The following ERBB4 variants were observed in gnomAD, a reference collection of about 807,000 sequenced individuals.
ERBB4 encodes the protein erb-b2 receptor tyrosine kinase 4.
In ERBB4, 42 loss-of-function variants were observed where a neutral mutation model predicts 158.0. That is an observed-to-expected ratio of 0.27 (90% CI 0.21 to 0.34). The LOEUF (loss-of-function observed/expected upper bound fraction) is 0.34, where lower values mean the gene tolerates loss of function less well. Ranked by LOEUF, ERBB4 falls within the 10% of genes least tolerant of loss-of-function variation. The pLI, the probability that ERBB4 is intolerant of heterozygous loss-of-function variation, is 1.00. For missense variants in ERBB4, 1,333 were observed against 1,624.1 expected (o/e 0.82, Z 3.08); for synonymous variants, 583 against 558.7 (o/e 1.04, Z -0.61).
At chr2:212,185,614 G>A (rs902061192) in intron 1 of ERBB4, among the ~76,000 whole-genome samples, 16 of 152,150 alleles carry the variant, frequency 1.1e-4, no homozygotes, top group African/African-American at 3.6e-4. Context: ...GAGATCTTAA[G>A]TAGGGTCCAC....
chr2:212,244,667 A>T (rs1047827109), intron 1 of ERBB4, among the ~76,000 whole-genome samples: 3 of 152,014 alleles, frequency 2.0e-5, no homozygotes, highest in Non-Finnish European at 4.4e-5. Flanking sequence ...TTCCCTCATG[A>T]TTTGCCATTC....
chr2:212,317,460 G>A (rs1472394414), intron 1 of ERBB4, among the ~76,000 whole-genome samples: 1 of 151,546 alleles, frequency 6.6e-6, no homozygotes, highest in Admixed American at 6.6e-5. Flanking sequence ...AGACTCTGAT[G>A]CTTTGAAGTT....
chr2:212,311,338 G>A (rs1042268865), intron 1 of ERBB4, among the ~76,000 whole-genome samples: 2 of 150,562 alleles, frequency 1.3e-5, no homozygotes, highest in Non-Finnish European at 3.0e-5. Context: ...AAGAAACAAA[G>A]GAGTTACACA....
chr2:212,118,199 G>A (rs1374104289), intron 2 of ERBB4, among the ~76,000 whole-genome samples: 1 of 152,124 alleles, frequency 6.6e-6, no homozygotes, highest in Non-Finnish European at 1.5e-5. Flanking sequence ...TAGGCTAAAC[G>A]TAAATATTTT....
Position 212,136,998 on chromosome 2 carries a change from A to T in ERBB4, c.83-12095T>A, listed in dbSNP as rs918830750. On this transcript the variant is annotated intron_variant, in intron 1 of 27. Transcript: ENST00000342788. ...CTGATACTAATATAGACTAGATTAT[A>T]AAATATATTATTATAATTTATTTTA... Among the ~76,000 whole-genome samples the T allele has an allele frequency of 2.0e-5, 3 of 152,150 alleles. No homozygotes were observed. The South Asian group carries it at 6.2e-4, about 32-fold the overall frequency.
At chr2:211,598,499 G>C (rs9288435) in intron 19 of ERBB4, among the ~76,000 whole-genome samples, 127,281 of 152,128 alleles carry the variant, frequency 0.84, 53,960 homozygotes, top group Admixed American at 0.91. Flanking sequence ...CATCTGTTTG[G>C]AATATGTTAA....
chr2:212,204,418 C>T (rs1488924681), intron 1 of ERBB4, among the ~76,000 whole-genome samples: 3 of 152,122 alleles, frequency 2.0e-5, no homozygotes, highest in Non-Finnish European at 2.9e-5. Flanking sequence ...TATTTGTGGG[C>T]CAGGCGCGGT....
intron 1 of ERBB4, among the ~76,000 whole-genome samples, chr2:212,397,762 T>C (rs2091073604): frequency 6.6e-6 from 1 of 152,196 alleles, no homozygotes; most frequent in African/African-American, 2.4e-5. Context: ...TGTGTTCATT[T>C]TTCTATCAGG....
At chr2:211,561,839 C>T (rs748892448) in intron 20 of ERBB4, 64 bp downstream of exon 20, 15 of 1,362,008 alleles carry the variant, frequency 1.1e-5, no homozygotes, top group African/African-American at 2.9e-5. Flanking sequence ...AATATGAAAA[C>T]TGTTCCAGGT....
intron 3 of ERBB4, among the ~76,000 whole-genome samples, chr2:211,896,030 C>T (rs539922280): frequency 2.4e-4 from 36 of 152,190 alleles, no homozygotes; most frequent in African/African-American, 8.2e-4. Flanking sequence ...TGTTGGTAGG[C>T]CCCAAGGTCA....
intron 3 of ERBB4, among the ~76,000 whole-genome samples, chr2:211,940,753 C>T (rs942144558): frequency 1.3e-5 from 2 of 152,082 alleles, no homozygotes; most frequent in Non-Finnish European, 2.9e-5. Context: ...ATTCCCTGAA[C>T]GCCCAACCCC....
At chr2:211,912,952 C>T (rs192042329) in intron 3 of ERBB4, among the ~76,000 whole-genome samples, 127 of 152,300 alleles carry the variant, frequency 8.3e-4, no homozygotes, top group African/African-American at 2.8e-3. Context: ...CCTATCATCA[C>T]CTGTCTTGCC....
chr2:211,421,865 A>G lies in ERBB4; in HGVS notation c.2964+142T>C, dbSNP rs748211399. On this transcript the variant is annotated intron_variant, in intron 24 of 27. Transcript: ENST00000342788. Reference sequence around the variant, plus strand: ...GACGTGAAATAAAAAGCTCTTTTCCATAAGTCATGTCACATGATAATTCTG... The same window carrying G: ...GACGTGAAATAAAAAGCTCTTTTCCGTAAGTCATGTCACATGATAATTCTG... 4.1e-4 allele frequency: 279 copies of G among 679,598 alleles called. 1 individual carries two copies. The highest frequency in any genetic ancestry group is 2.0e-3 in the South Asian group (129 of 63,044). The allele number at this position is 679,598 out of a possible 1,614,324, so 42.1% of individuals were successfully genotyped here.
chr2:211,970,689 A>G (rs77867823), intron 2 of ERBB4, among the ~76,000 whole-genome samples: 1 of 152,014 alleles, frequency 6.6e-6, no homozygotes, highest in African/African-American at 2.4e-5. Flanking sequence ...TAAAAATTAG[A>G]ATTGCAACCC....
At chr2:212,014,184 G>A (rs1023444125) in intron 2 of ERBB4, among the ~76,000 whole-genome samples, 1 of 152,116 alleles carries the variant, frequency 6.6e-6, no homozygotes, top group African/African-American at 2.4e-5. Context: ...AGAACAGACA[G>A]CATTAACAAA....
At chr2:212,391,571 T>G (rs1474210213) in intron 1 of ERBB4, among the ~76,000 whole-genome samples, 1 of 148,820 alleles carries the variant, frequency 6.7e-6, no homozygotes, top group Admixed American at 6.8e-5. Flanking sequence ...GTCTATAAAA[T>G]TATGGATTCT....
At chr2:211,825,030 T>C (rs1042241938) in intron 3 of ERBB4, among the ~76,000 whole-genome samples, 1 of 151,970 alleles carries the variant, frequency 6.6e-6, no homozygotes, top group Non-Finnish European at 1.5e-5. Context: ...TATGAATGAC[T>C]GATTTAAATA....
At chr2:211,597,547 T>A (rs2068673039) in intron 19 of ERBB4, among the ~76,000 whole-genome samples, 1 of 152,172 alleles carries the variant, frequency 6.6e-6, no homozygotes, top group Non-Finnish European at 1.5e-5. Context: ...AGAAGTTTTG[T>A]AATATAACAA....
intron 3 of ERBB4, among the ~76,000 whole-genome samples, chr2:211,920,841 T>C (rs905210131): frequency 1.6e-4 from 24 of 151,958 alleles, no homozygotes; most frequent in African/African-American, 5.3e-4. Flanking sequence ...GAGTCTTGTT[T>C]ATTATCTCAT....
Sources: allele counts gnomAD v4.1 joint callset (sites outside exome capture counted in the v4.1 genomes callset), GRCh38; gene constraint gnomAD v4.1.1; transcripts MANE v1.5; gene names NCBI Gene and HGNC (gene_info 2026-07-23, HGNC 2026-07-21).